ATP6V1A: variants seen among roughly 807,000 people sequenced by gnomAD.
ATP6V1A encodes the protein ATPase H+ transporting V1 subunit A, also known as V-type proton ATPase catalytic subunit A.
ATP6V1A carries 18 observed loss-of-function variants against 70.1 expected under a neutral mutation model. The observed-to-expected ratio is 0.26, with a 90% confidence interval of 0.18 to 0.38. ATP6V1A has a LOEUF of 0.38. ATP6V1A is among the 10% of genes least tolerant of loss of function. The probability of loss-of-function intolerance (pLI) is 1.00; values close to 1 mark genes in which losing one functional copy is unlikely to be tolerated. For synonymous variants in ATP6V1A, 232 were observed against 253.8 expected (o/e 0.91, Z 0.82); for missense variants, 424 against 772.4 (o/e 0.55, Z 5.35).
chr3:113,811,033 T>G lies in ATP6V1A; in HGVS notation c.*1606T>G, dbSNP rs1709336324. On this transcript the variant is annotated 3_prime_UTR_variant, in exon 15 of 15. Transcript: ENST00000273398. ...TTAAGTATATGTTTAAAATAATAAT[T>G]TATGTGTCTGCATATTGCAGAACAG... 6.6e-6 allele frequency: 1 copy of G among 152,174 alleles called. No homozygotes were observed. The highest frequency in any genetic ancestry group is 6.5e-5 in the Admixed American group (1 of 15,268). 9.4% of individuals were successfully genotyped at this position (152,174 alleles called of 1,614,324 possible).
chr3:113,788,343 A>T (rs999684110), intron 6 of ATP6V1A, among the ~76,000 whole-genome samples: 14 of 146,434 alleles, frequency 9.6e-5, no homozygotes, highest in African/African-American at 3.5e-4. Context: ...ATTTATTTTT[A>T]TTTTTTTTGA....
At chr3:113,765,487 C>G (rs1708757834) in intron 1 of ATP6V1A, among the ~76,000 whole-genome samples, 1 of 151,824 alleles carries the variant, frequency 6.6e-6, no homozygotes, top group Non-Finnish European at 1.5e-5. Flanking sequence ...GTCTGTAATC[C>G]CAGCTACTTG....
At chr3:113,809,128 G>A (rs529756863) in intron 14 of ATP6V1A, among the ~76,000 whole-genome samples, 69 of 152,020 alleles carry the variant, frequency 4.5e-4, no homozygotes, top group African/African-American at 1.6e-3. Flanking sequence ...GATGGTGGGC[G>A]CCTGTAATCC....
intron 3 of ATP6V1A, among the ~76,000 whole-genome samples, chr3:113,783,035 T>C (rs1202101065): frequency 6.6e-6 from 1 of 152,190 alleles, no homozygotes; most frequent in Non-Finnish European, 1.5e-5. Context: ...TAAAATTCTT[T>C]CAACTTTGTT....
At chr3:113,762,661 G>T (rs1256486342) in intron 1 of ATP6V1A, among the ~76,000 whole-genome samples, 1 of 152,132 alleles carries the variant, frequency 6.6e-6, no homozygotes, top group Non-Finnish European at 1.5e-5. Context: ...CACCATGAAG[G>T]TTCAGGATTC....
chr3:113,778,654 G>C lies in ATP6V1A; in HGVS notation c.-13-87G>C, dbSNP rs541507230. The C allele has an allele frequency of 6.9e-6, 4 of 581,342 alleles. No homozygotes were observed. In the East Asian group the frequency reaches 1.3e-4, roughly 19 times the overall value. 36.0% of individuals were successfully genotyped at this position (581,342 alleles called of 1,614,324 possible). A position where few individuals can be genotyped will look rare whatever the true frequency, so the allele number is the denominator to read the frequency against. ...TCAAGAATACACCAAAGATGAGAGT[G>C]GTCTCATCTTAGTGGACTACCTATA... On this transcript the variant is annotated intron_variant, in intron 1 of 14. Transcript: ENST00000273398.
chr3:113,776,190 C>A (rs570872434), intron 1 of ATP6V1A, among the ~76,000 whole-genome samples: 4 of 151,926 alleles, frequency 2.6e-5, no homozygotes, highest in Admixed American at 2.6e-4. Context: ...GAAACCCTGT[C>A]TCTACAATAA....
At chr3:113,765,063 G>A (rs1708752912) in intron 1 of ATP6V1A, among the ~76,000 whole-genome samples, 1 of 148,994 alleles carries the variant, frequency 6.7e-6, no homozygotes, top group East Asian at 2.0e-4. Flanking sequence ...TTGTTGTTCT[G>A]AACTTAAAAT....
intron 14 of ATP6V1A, 96 bp downstream of exon 14, chr3:113,805,621 T>C (rs1577097367): frequency 9.0e-6 from 11 of 1,218,606 alleles, no homozygotes; most frequent in East Asian, 2.5e-5. Context: ...GAGGCTGGAG[T>C]GCAGTGGCAT....
At chr3:113,795,853 G>T in intron 10 of ATP6V1A, 23 bp from the exon 11 acceptor site, 3 of 1,582,162 alleles carry the variant, frequency 1.9e-6, no homozygotes, top group South Asian at 2.3e-5. Context: ...TTTTTGTAAT[G>T]ACCATATTTT....
chr3:113,784,924 A>C, intron 5 of ATP6V1A, 91 bp downstream of exon 5: 1 of 1,316,312 alleles, frequency 7.6e-7, no homozygotes. Context: ...TAAAGAATTG[A>C]TATTTAATAC....
chr3:113,767,810 C>T (rs897916897), intron 1 of ATP6V1A, among the ~76,000 whole-genome samples: 11 of 152,098 alleles, frequency 7.2e-5, no homozygotes, highest in East Asian at 1.9e-4. Context: ...GCCACCATGC[C>T]CAGCTAATGT....
intron 1 of ATP6V1A, among the ~76,000 whole-genome samples, chr3:113,752,084 T>C (rs1176861139): frequency 1.3e-5 from 2 of 151,938 alleles, no homozygotes; most frequent in African/African-American, 2.4e-5. Flanking sequence ...TTGAAACTGT[T>C]CTCTTGGTAA....
At chr3:113,767,004 A>C (rs765398909) in intron 1 of ATP6V1A, among the ~76,000 whole-genome samples, 2 of 152,014 alleles carry the variant, frequency 1.3e-5, no homozygotes, top group African/African-American at 2.4e-5. Flanking sequence ...GACTAGTGTT[A>C]AGAATTAAAG....
chr3:113,800,552 A>G (rs1709199916), intron 12 of ATP6V1A, among the ~76,000 whole-genome samples: 1 of 152,190 alleles, frequency 6.6e-6, no homozygotes, highest in Non-Finnish European at 1.5e-5. Flanking sequence ...AAAACTGTTT[A>G]CTATTTGAAG....
chr3:113,788,603 C>A, intron 6 of ATP6V1A, 110 bp from the exon 7 acceptor site: 2 of 1,009,514 alleles, frequency 2.0e-6, no homozygotes, highest in Non-Finnish European at 2.8e-6. Context: ...GCTTCGGCCC[C>A]CACAAGTGCT....
intron 12 of ATP6V1A, chr3:113,802,664 G>GA (rs1709227627): frequency 1.2e-5 from 1 of 84,182 alleles, no homozygotes; most frequent in South Asian, 5.3e-4. Context: ...GTTTGTTTGG[G>GA]ATTTTTTTTT....
intron 14 of ATP6V1A, among the ~76,000 whole-genome samples, chr3:113,806,465 CTT>C (rs113678275): frequency 6.9e-6 from 1 of 145,738 alleles, no homozygotes. Context: ...CATTTTTTAA[CTT>C]TTTTTTTTTT....
At chr3:113,779,339 T>C (rs1206810852) in intron 2 of ATP6V1A, among the ~76,000 whole-genome samples, 1 of 152,192 alleles carries the variant, frequency 6.6e-6, no homozygotes, top group Middle Eastern at 3.2e-3. Context: ...GGGAAAGAAG[T>C]CTTAGGACCC....
Sources: allele counts gnomAD v4.1 joint callset (sites outside exome capture counted in the v4.1 genomes callset), GRCh38; gene constraint gnomAD v4.1.1; transcripts MANE v1.5; gene names NCBI Gene and HGNC (gene_info 2026-07-23, HGNC 2026-07-21).